Variants in C1QTNF1 observed in about 807,000 individuals in gnomAD.
The protein encoded by C1QTNF1 is C1q and TNF related 1, also known as complement C1q tumor necrosis factor-related protein 1.
C1QTNF1 carries 22 observed loss-of-function variants against 27.8 expected under a neutral mutation model. The observed-to-expected ratio is 0.79, with a 90% CI of 0.56 to 1.13. The LOEUF is 1.13. Ranked by LOEUF, C1QTNF1 falls within the 50% of genes most tolerant of loss-of-function variation. The pLI, the probability that C1QTNF1 is intolerant of heterozygous loss-of-function variation, is 0.00. For missense variants in C1QTNF1, 373 were observed against 380.2 expected (o/e 0.98, Z 0.16); for synonymous variants, 166 against 154.3 (o/e 1.08, Z -0.56).
intron 1 of C1QTNF1, chr17:79,043,412 T>G (rs2072474439): frequency 2.2e-6 from 1 of 452,318 alleles, no homozygotes; most frequent in African/African-American, 2.0e-5. Context: ...TGAGTGTGAG[T>G]GTATGTGTGT....
rs1267440970 is a variant in C1QTNF1, at chr17:79,043,949, C to T, written c.-14-6C>T. On this transcript the variant is annotated splice_region_variant and splice_polypyrimidine_tract_variant and intron_variant, in intron 1 of 3. Transcript: ENST00000579760. Reference sequence around the variant, plus strand: ...GTGCCTTCCCTGTGTGTTTCTTTCCCACCAGGGCCCGGCAGGAAGATGGGC... The same window carrying T: ...GTGCCTTCCCTGTGTGTTTCTTTCCTACCAGGGCCCGGCAGGAAGATGGGC... 2 of 1,613,746 alleles carry T rather than the reference C, an allele frequency of 1.2e-6. No homozygotes were observed. The highest frequency in any genetic ancestry group is 1.7e-6 in the Non-Finnish European group (2 of 1,179,980).
At chr17:79,044,615 G>C (rs1419763732) in intron 2 of C1QTNF1, among the ~76,000 whole-genome samples, 5 of 152,196 alleles carry the variant, frequency 3.3e-5, no homozygotes, top group African/African-American at 9.7e-5. Flanking sequence ...GGTGGGCCAA[G>C]TGTCGGCTTC....
chr17:79,046,425 A>G lies in C1QTNF1; in HGVS notation c.156-130A>G. The G allele has an allele frequency of 2.3e-6, 3 of 1,297,336 alleles. No homozygotes were observed. Among genetic ancestry groups the G allele is most frequent in the East Asian group, 4.7e-5 (2 of 42,952 alleles). 80.4% of individuals were successfully genotyped at this position (1,297,336 alleles called of 1,614,324 possible). A position where few individuals can be genotyped will look rare whatever the true frequency, so the allele number is the denominator to read the frequency against. ...GCCGTGAGCCCACCAGCGTGAACAC[A>G]GAGCCTTGTGGGTCCAGGTGAGAGA... On this transcript the variant is annotated intron_variant, in intron 2 of 3. Transcript: ENST00000579760. The surrounding 1 kb of genome is among the most constrained non-coding windows in gnomAD (Gnocchi z 4.8).
At chr17:79,025,140 C>T (rs1428332519) in intron 1 of C1QTNF1, 4 of 152,372 alleles carry the variant, frequency 2.6e-5, no homozygotes, top group Admixed American at 6.5e-5. Flanking sequence ...GGGAGTGGCC[C>T]CCCCGGCCTG....
In C1QTNF1 at chr17:79,047,966, GAGC is replaced by G; in HGVS notation, c.727_729del (p.Gln243del). On this transcript the variant is annotated inframe_deletion, in exon 4 of 4. Transcript: ENST00000579760. ...CCAGAGCCTGATGCTGGAGCTGCGA[GAGC>G]AGGACCAGGTGTGGGTACGCCTCTA... is the stretch of plus-strand genomic sequence containing the variant. The G allele has an allele frequency of 6.2e-7, 1 of 1,613,824 alleles. No individual in the cohort carries two copies. The highest frequency in any genetic ancestry group is 2.2e-5 in the East Asian group (1 of 44,884).
rs778107626 is a variant in C1QTNF1 at position 79,043,960 on chromosome 17, G to T, written c.-9G>T. The T allele has an allele frequency of 4.3e-5, 70 of 1,613,808 alleles. No individual in the cohort carries two copies. The highest frequency in any genetic ancestry group is 5.8e-5 in the Non-Finnish European group (68 of 1,180,018). ...GTGTGTTTCTTTCCCACCAGGGCCCGGCAGGAAGATGGGCTCCCGTGGACA... is the reference window on the plus strand; with the variant it reads ...GTGTGTTTCTTTCCCACCAGGGCCCTGCAGGAAGATGGGCTCCCGTGGACA... On this transcript the variant is annotated 5_prime_UTR_variant, in exon 2 of 4. Transcript: ENST00000579760.
chr17:79,029,727 G>A (rs952104487), intron 1 of C1QTNF1, among the ~76,000 whole-genome samples: 3 of 152,186 alleles, frequency 2.0e-5, no homozygotes, highest in Non-Finnish European at 4.4e-5. Flanking sequence ...GGCCAAAGAC[G>A]AACAAAGCCC....
intron 1 of C1QTNF1, among the ~76,000 whole-genome samples, chr17:79,040,973 G>A (rs1399674977): frequency 6.6e-6 from 1 of 151,992 alleles, no homozygotes; most frequent in Admixed American, 6.5e-5. Flanking sequence ...CTACAGTCAT[G>A]AATGTATATT....
At position 79,046,496 on chromosome 17, in the gene C1QTNF1, G is replaced by C. The variant is rs2072576243; in HGVS notation, c.156-59G>C. The C allele has an allele frequency of 3.7e-6, 6 of 1,607,584 alleles. No homozygotes were observed. Among genetic ancestry groups the C allele is most frequent in the Middle Eastern group, 1.7e-4 (1 of 5,820 alleles). ...TGCCAGAACCACTGGCAGCAGGAGA[G>C]AGCAGCGTTTCCAGGCCTGAGAGTG... On this transcript the variant is annotated intron_variant, in intron 2 of 3. Coordinates refer to ENST00000579760, the MANE Select transcript of C1QTNF1 (RefSeq NM_030968.5). This position sits in a 1 kb window ranked among gnomAD's most constrained non-coding sequence, Gnocchi z 4.8.
chr17:79,039,947 A>C (rs2145913794), intron 1 of C1QTNF1, among the ~76,000 whole-genome samples: 1 of 152,274 alleles, frequency 6.6e-6, no homozygotes, highest in African/African-American at 2.4e-5. Flanking sequence ...ACTTAAAAGG[A>C]AAAAACAGAA....
In C1QTNF1 at chr17:79,025,780, C is replaced by T. The variant is rs906514133; in HGVS notation, c.-15+1286C>T. On this transcript the variant is annotated intron_variant, in intron 1 of 3. Coordinates refer to ENST00000579760, the MANE Select transcript of C1QTNF1 (RefSeq NM_030968.5). ...GGAACCAAGACAGGGAGATGGGAGC[C>T]GAGGTCTGAGGACAAGCAGAAGCTT... 1.9e-5 allele frequency: 4 copies of T among 214,226 alleles called. No homozygotes were observed. In the South Asian group the frequency reaches 1.9e-4, roughly 10 times the overall value. The allele number at this position is 214,226 out of a possible 1,614,324, so 13.3% of individuals were successfully genotyped here. A position where few individuals can be genotyped will look rare whatever the true frequency, so the allele number is the denominator to read the frequency against.
At chr17:79,032,590 G>A (rs1013345265) in intron 1 of C1QTNF1, among the ~76,000 whole-genome samples, 1 of 152,198 alleles carries the variant, frequency 6.6e-6, no homozygotes, top group Non-Finnish European at 1.5e-5. Context: ...CCTGCAGGGG[G>A]CTGGCGATGG....
intron 1 of C1QTNF1, among the ~76,000 whole-genome samples, chr17:79,032,198 C>A (rs1045433094): frequency 4.6e-5 from 7 of 152,164 alleles, no homozygotes; most frequent in Non-Finnish European, 8.8e-5. Context: ...GCACCTACAG[C>A]ACACCCAGGT....
At chr17:79,043,173 G>A (rs1481961386) in intron 1 of C1QTNF1, 3 of 441,582 alleles carry the variant, frequency 6.8e-6, no homozygotes, top group African/African-American at 4.5e-5. Flanking sequence ...TGGTATATGT[G>A]TGTGAGTGCA....
intron 1 of C1QTNF1, chr17:79,043,555 A>C (rs1331120853): frequency 2.3e-6 from 1 of 434,504 alleles, no homozygotes; most frequent in African/African-American, 2.0e-5. Flanking sequence ...GAGACTGTGC[A>C]TGTGTATTGT....
upstream of C1QTNF1, among the ~76,000 whole-genome samples, chr17:79,023,704 G>GCGCGCACACACACACACA (rs1267428917): frequency 4.8e-4 from 69 of 145,030 alleles, no homozygotes; most frequent in East Asian, 9.4e-3. Flanking sequence ...GCGCGCGCGC[G>GCGCGCACACACACACACA]CACACACACA....
intron 1 of C1QTNF1, among the ~76,000 whole-genome samples, chr17:79,033,385 T>C (rs1568062815): frequency 6.6e-6 from 1 of 152,076 alleles, no homozygotes; most frequent in Non-Finnish European, 1.5e-5. Context: ...AATGGGGCAT[T>C]GTCAGCTGAA....
rs553074255 is a variant in C1QTNF1, at chr17:79,047,069, C to T, written c.295+375C>T. 5.1e-4 allele frequency: 144 copies of T among 282,388 alleles called. 2 individuals carry two copies. The South Asian group carries it at 0.01, about 20-fold the overall frequency. 17.5% of individuals were successfully genotyped at this position (282,388 alleles called of 1,614,324 possible). A position where few individuals can be genotyped will look rare whatever the true frequency, so the allele number is the denominator to read the frequency against. On this transcript the variant is annotated intron_variant, in intron 3 of 3. Transcript: ENST00000579760. ...CTGCTCGCTCCGGTCCTGCACACGG[C>T]AGATAACCCTGCACAGCCCCGTGAA...
intron 2 of C1QTNF1, among the ~76,000 whole-genome samples, chr17:79,044,940 G>A (rs1489950585): frequency 1.3e-5 from 2 of 152,164 alleles, no homozygotes; most frequent in Non-Finnish European, 2.9e-5. Context: ...CTTTGATTGA[G>A]CCCCTCCTAT....
Sources: allele counts gnomAD v4.1 joint callset (sites outside exome capture counted in the v4.1 genomes callset), GRCh38; gene constraint gnomAD v4.1.1; non-coding constraint Gnocchi (gnomAD v3.1); transcripts MANE v1.5; gene names NCBI Gene and HGNC (gene_info 2026-07-23, HGNC 2026-07-21).